CSMD1: variants seen among roughly 807,000 people sequenced by gnomAD.
CSMD1 encodes the protein CUB and Sushi multiple domains 1.
CSMD1 carries 213 observed loss-of-function variants against 417.5 expected under a neutral mutation model. The observed-to-expected ratio is 0.51, with a 90% CI of 0.46 to 0.57. The LOEUF is 0.57. CSMD1 is among the 20% of genes least tolerant of loss of function. CSMD1 has a pLI of 0.00. For missense variants in CSMD1, 6,923 were observed against 4,529.7 expected, an observed-to-expected ratio of 1.53 and a Z score of -15.17; for synonymous variants, 2,862 against 1,736.8, an observed-to-expected ratio of 1.65 and a Z score of -16.11.
At chr8:4,304,939 T>C (rs1208394277) in intron 3 of CSMD1, among the ~76,000 whole-genome samples, 2 of 152,110 alleles carry the variant, frequency 1.3e-5, no homozygotes. Context: ...AAGTACTCTT[T>C]TATCAGGCTG....
At chr8:4,620,109 T>C (rs1801687541) in intron 2 of CSMD1, among the ~76,000 whole-genome samples, 2 of 151,932 alleles carry the variant, frequency 1.3e-5, no homozygotes, top group South Asian at 4.1e-4. Context: ...TTAATTATTA[T>C]CAGTTATAGG....
intron 18 of CSMD1, among the ~76,000 whole-genome samples, chr8:3,380,709 CT>C (rs1810577517): frequency 6.6e-6 from 1 of 151,866 alleles, no homozygotes; most frequent in Admixed American, 6.6e-5. Context: ...TGGACACAGG[CT>C]GGGGAAACAT....
intron 10 of CSMD1, among the ~76,000 whole-genome samples, chr8:3,503,976 T>G (rs1796718202): frequency 6.6e-6 from 1 of 152,070 alleles, no homozygotes; most frequent in South Asian, 2.1e-4. Context: ...TGGTTGATTT[T>G]GGGGTATGAA....
At chr8:3,772,266 T>C (rs1485403533) in intron 5 of CSMD1, among the ~76,000 whole-genome samples, 1 of 145,244 alleles carries the variant, frequency 6.9e-6, no homozygotes, top group Non-Finnish European at 1.5e-5. Flanking sequence ...TATTTAGACA[T>C]ACATATGTAC....
At chr8:4,452,359 A>C (rs1336932512) in intron 2 of CSMD1, among the ~76,000 whole-genome samples, 2 of 152,210 alleles carry the variant, frequency 1.3e-5, no homozygotes, top group African/African-American at 4.8e-5. Context: ...CACTGGGGTG[A>C]CAAGTACAAT....
At chr8:3,736,001 T>A (rs1224144820) in intron 6 of CSMD1, among the ~76,000 whole-genome samples, 1 of 151,784 alleles carries the variant, frequency 6.6e-6, no homozygotes, top group African/African-American at 2.4e-5. Flanking sequence ...TGGGAATAAG[T>A]GCGGTGGATT....
intron 2 of CSMD1, among the ~76,000 whole-genome samples, chr8:4,518,267 G>A (rs1026349526): frequency 3.9e-5 from 6 of 152,056 alleles, no homozygotes; most frequent in African/African-American, 1.4e-4. Context: ...CAAAACAGCA[G>A]CATCCGACGC....
intron 23 of CSMD1, among the ~76,000 whole-genome samples, chr8:3,311,252 A>G (rs1805320962): frequency 6.6e-6 from 1 of 151,968 alleles, no homozygotes; most frequent in Non-Finnish European, 1.5e-5. Flanking sequence ...TACTAATAAC[A>G]AACAACTTTT....
intron 11 of CSMD1, among the ~76,000 whole-genome samples, chr8:3,481,105 C>T (rs1315766112): frequency 7.3e-6 from 1 of 137,122 alleles, no homozygotes; most frequent in Non-Finnish European, 1.5e-5. Context: ...GCAGTGAGCC[C>T]AGATTAGCCA....
chr8:3,875,878 C>G (rs551913475), intron 5 of CSMD1, among the ~76,000 whole-genome samples: 19 of 152,146 alleles, frequency 1.2e-4, no homozygotes, highest in African/African-American at 4.6e-4. Context: ...GTGTTCCAAA[C>G]TTGGTAGGAA....
At chr8:3,220,764 G>C (rs1353516664) in intron 28 of CSMD1, among the ~76,000 whole-genome samples, 1 of 152,180 alleles carries the variant, frequency 6.6e-6, no homozygotes, top group Admixed American at 6.5e-5. Context: ...CCGGGAAGCG[G>C]AGGTTGCAGT....
At chr8:4,624,645 G>T (rs909257489) in intron 2 of CSMD1, among the ~76,000 whole-genome samples, 3 of 152,068 alleles carry the variant, frequency 2.0e-5, no homozygotes, top group Admixed American at 6.6e-5. Context: ...ACGGTGGGTC[G>T]GTGCCCAGCA....
chr8:4,795,156 G>A (rs1272824707), intron 1 of CSMD1, among the ~76,000 whole-genome samples: 2 of 147,880 alleles, frequency 1.4e-5, no homozygotes, highest in African/African-American at 2.5e-5. Context: ...AGACGTCTAA[G>A]AATGTAGTAG....
intron 54 of CSMD1, among the ~76,000 whole-genome samples, chr8:2,983,743 G>C (rs1389779333): frequency 3.9e-5 from 6 of 152,184 alleles, no homozygotes; most frequent in African/African-American, 1.4e-4. Flanking sequence ...CTATGATCGA[G>C]GTCGTGCCTA....
chr8:4,899,130 G>GT (rs1156852170), intron 1 of CSMD1, among the ~76,000 whole-genome samples: 5 of 152,118 alleles, frequency 3.3e-5, no homozygotes, highest in African/African-American at 1.2e-4. Context: ...GGTTATACAC[G>GT]TATCAATAGG....
intron 5 of CSMD1, among the ~76,000 whole-genome samples, chr8:3,866,637 G>A (rs1399310769): frequency 2.6e-5 from 4 of 151,708 alleles, no homozygotes; most frequent in Admixed American, 6.6e-5. Flanking sequence ...TCACTATTTG[G>A]AATGTGATTC....
chr8:3,944,710 T>A (rs1811107984), intron 5 of CSMD1, among the ~76,000 whole-genome samples: 1 of 152,184 alleles, frequency 6.6e-6, no homozygotes, highest in Non-Finnish European at 1.5e-5. Context: ...TCAGGACATT[T>A]GTCTCTTGAC....
chr8:4,457,453 A>G, intron 2 of CSMD1, among the ~76,000 whole-genome samples: 1 of 152,110 alleles, frequency 6.6e-6, no homozygotes, highest in East Asian at 1.9e-4. Context: ...AATGCATTGA[A>G]AAGTCTTGCT....
chr8:3,750,648 C>A (rs576964872), intron 6 of CSMD1, among the ~76,000 whole-genome samples: 2 of 152,080 alleles, frequency 1.3e-5, no homozygotes, highest in Non-Finnish European at 2.9e-5. Flanking sequence ...TTCAGCTGAA[C>A]AAATGTTTTC....
Sources: allele counts gnomAD v4.1 joint callset (sites outside exome capture counted in the v4.1 genomes callset), GRCh38; gene constraint gnomAD v4.1.1; transcripts MANE v1.5; gene names NCBI Gene and HGNC (gene_info 2026-07-23, HGNC 2026-07-21).